ADGRL2: variants seen among roughly 807,000 people sequenced by gnomAD.
ADGRL2 encodes the protein calcium-independent alpha-latrotoxin receptor 2.
A neutral mutation model predicts 157.4 loss-of-function variants in ADGRL2; 44 were observed. The observed-to-expected ratio is 0.28, with a 90% confidence interval of 0.22 to 0.36. ADGRL2 has a LOEUF of 0.36. Ranked by LOEUF, ADGRL2 falls within the 10% of genes least tolerant of loss-of-function variation. ADGRL2 has a pLI of 1.00. For missense variants in ADGRL2, 1,510 were observed against 1,768.9 expected, an observed-to-expected ratio of 0.85 and a Z score of 2.63; for synonymous variants, 585 against 624.7, an observed-to-expected ratio of 0.94 and a Z score of 0.95.
At chr1:81,924,745 G>A (rs915365898) in intron 3 of ADGRL2, among the ~76,000 whole-genome samples, 10 of 151,940 alleles carry the variant, frequency 6.6e-5, no homozygotes, top group East Asian at 1.9e-4. Flanking sequence ...GTTTGGAGCC[G>A]AATTTCGCTA....
chr1:81,544,523 C>A (rs982873999), intron 2 of ADGRL2, among the ~76,000 whole-genome samples: 1 of 152,140 alleles, frequency 6.6e-6, no homozygotes, highest in Non-Finnish European at 1.5e-5. Flanking sequence ...AAAGAAGAAG[C>A]CTAATGTCAT....
upstream of ADGRL2, chr1:81,800,362 GT>G (rs1176786808): frequency 2.0e-5 from 3 of 152,256 alleles, no homozygotes; most frequent in African/African-American, 4.8e-5. Flanking sequence ...ACCCTGGAGC[GT>G]CCCCCGCGCG....
chr1:81,448,137 CTTTTTTTT>C (rs1168945231), intron 2 of ADGRL2, among the ~76,000 whole-genome samples: 136 of 83,530 alleles, frequency 1.6e-3, no homozygotes, highest in African/African-American at 6.3e-3. Flanking sequence ...TTCTTTCTTT[CTTTTTTTT>C]TTTTTTTTTT....
intron 19 of ADGRL2, among the ~76,000 whole-genome samples, chr1:81,982,645 T>A (rs1364572941): frequency 6.6e-6 from 1 of 151,962 alleles, no homozygotes; most frequent in Non-Finnish European, 1.5e-5. Context: ...ATTCTGTTAT[T>A]ACTAGTTGGT....
At chr1:81,915,617 G>A (rs932672610) in intron 3 of ADGRL2, among the ~76,000 whole-genome samples, 1 of 152,154 alleles carries the variant, frequency 6.6e-6, no homozygotes, top group African/African-American at 2.4e-5. Flanking sequence ...AAGCTTGAAA[G>A]ATACTTTAAA....
At chr1:81,470,208 C>G (rs2078142664) in intron 2 of ADGRL2, among the ~76,000 whole-genome samples, 1 of 152,206 alleles carries the variant, frequency 6.6e-6, no homozygotes, top group Admixed American at 6.5e-5. Flanking sequence ...ACATCTATAA[C>G]TGTTCTGTTT....
intron 2 of ADGRL2, among the ~76,000 whole-genome samples, chr1:81,780,863 C>T (rs1015195951): frequency 6.6e-6 from 1 of 152,056 alleles, no homozygotes; most frequent in East Asian, 1.9e-4. Context: ...TATGTCCCCC[C>T]ACAGAATAAA....
chr1:81,829,026 C>A (rs1310421327), intron 1 of ADGRL2, among the ~76,000 whole-genome samples: 4 of 152,040 alleles, frequency 2.6e-5, no homozygotes, highest in Admixed American at 2.6e-4. Flanking sequence ...ATTCTCCTGC[C>A]TCAGCCTCCC....
At chr1:81,475,541 A>G (rs564874392) in intron 2 of ADGRL2, among the ~76,000 whole-genome samples, 35 of 152,292 alleles carry the variant, frequency 2.3e-4, no homozygotes, top group East Asian at 1.9e-3. Flanking sequence ...AATTTGACCA[A>G]TGTTAGCCTA....
chr1:81,654,575 T>TA (rs1182825249), intron 3 of ADGRL2, among the ~76,000 whole-genome samples: 2 of 152,324 alleles, frequency 1.3e-5, no homozygotes, highest in Non-Finnish European at 2.9e-5. Flanking sequence ...AGCTGCCAAC[T>TA]AAAAAATGTC....
chr1:81,689,824 G>C (rs1484598449), intron 3 of ADGRL2, among the ~76,000 whole-genome samples: 1 of 152,192 alleles, frequency 6.6e-6, no homozygotes, highest in African/African-American at 2.4e-5. Flanking sequence ...TGCTGTTACA[G>C]ATTCCCTAAA....
intron 3 of ADGRL2, among the ~76,000 whole-genome samples, chr1:81,600,049 C>G (rs116819797): frequency 1.3e-5 from 2 of 152,136 alleles, no homozygotes; most frequent in African/African-American, 2.4e-5. Flanking sequence ...TATTTACATG[C>G]CTTTTTAGTT....
rs1358095377 is a variant in ADGRL2 at position 81,891,581 on chromosome 1, G to A, written c.74-15436G>A. On this transcript the variant is annotated intron_variant, in intron 2 of 23. Transcript: ENST00000686636. ...TTGCCAATTAAATTGAGCATTACAT[G>A]TTTATTTCCTACTTAAATTTATTTC... Among the ~76,000 whole-genome samples the A allele has an allele frequency of 2.0e-5, 3 of 152,002 alleles. No individual in the cohort carries two copies. In the East Asian group the frequency reaches 5.8e-4, roughly 29 times the overall value.
chr1:81,592,295 A>G (rs1317185930), intron 3 of ADGRL2, among the ~76,000 whole-genome samples: 1 of 152,226 alleles, frequency 6.6e-6, no homozygotes, highest in East Asian at 1.9e-4. Context: ...TTGAGATCAT[A>G]TGGTCTCTGT....
chr1:81,904,204 G>T (rs1480246191), intron 2 of ADGRL2, among the ~76,000 whole-genome samples: 1 of 151,628 alleles, frequency 6.6e-6, no homozygotes, highest in Non-Finnish European at 1.5e-5. Context: ...GTCTAGCAGG[G>T]TAGATATATA....
chr1:81,968,512 G>A (rs1217128707), intron 14 of ADGRL2, among the ~76,000 whole-genome samples: 1 of 152,196 alleles, frequency 6.6e-6, no homozygotes, highest in Non-Finnish European at 1.5e-5. Context: ...AGGCTCTCGA[G>A]TTTAACATGC....
At chr1:81,339,213 C>T (rs929837574) in intron 1 of ADGRL2, among the ~76,000 whole-genome samples, 3 of 152,144 alleles carry the variant, frequency 2.0e-5, no homozygotes, top group African/African-American at 4.8e-5. Context: ...AGGGAAGGCG[C>T]TCCATTTCAC....
chr1:81,956,368 A>G (rs893065595), intron 11 of ADGRL2, among the ~76,000 whole-genome samples: 1 of 152,218 alleles, frequency 6.6e-6, no homozygotes, highest in Admixed American at 6.5e-5. Context: ...AGTACTTGCT[A>G]TGAAACTGTG....
At chr1:81,832,961 A>G (rs562560574) in intron 1 of ADGRL2, among the ~76,000 whole-genome samples, 1 of 152,350 alleles carries the variant, frequency 6.6e-6, no homozygotes, top group South Asian at 2.1e-4. Context: ...AGGTTCAGCT[A>G]AAGTGAAATA....
Sources: gnomAD v4.1 joint callset for allele counts (sites outside exome capture counted in the v4.1 genomes callset) on GRCh38, gnomAD v4.1.1 for gene constraint, MANE v1.5 for transcripts, NCBI Gene and HGNC (gene_info 2026-07-23, HGNC 2026-07-21) for gene names.